Variants in SCN11A observed in about 807,000 individuals in gnomAD.
SCN11A encodes sodium channel protein type 11 subunit alpha.
Under a neutral mutation model 162.2 loss-of-function variants are expected in SCN11A, and 122 were observed. That is an observed-to-expected ratio of 0.75 (90% confidence interval 0.65 to 0.87). SCN11A has a LOEUF of 0.87. Among genes scored for constraint, SCN11A ranks in the 40% least tolerant of loss-of-function variants. The pLI, the probability that SCN11A is intolerant of heterozygous loss-of-function variation, is 0.00. For synonymous variants in SCN11A, 758 were observed against 751.5 expected (o/e 1.01, Z -0.14); for missense variants, 2,015 against 2,181.6 (o/e 0.92, Z 1.52).
intron 27 of SCN11A, among the ~76,000 whole-genome samples, chr3:38,866,592 A>T (rs1020044626): frequency 1.1e-4 from 16 of 152,262 alleles, no homozygotes; most frequent in African/African-American, 3.9e-4. Context: ...TCAAAACTAC[A>T]AAATTAAAAA....
chr3:38,912,288 T>G (rs1329886886), intron 11 of SCN11A, among the ~76,000 whole-genome samples: 1 of 152,116 alleles, frequency 6.6e-6, no homozygotes, highest in East Asian at 1.9e-4. Flanking sequence ...TACAGGTGAT[T>G]AAGCCTCTCC....
intron 2 of SCN11A, among the ~76,000 whole-genome samples, chr3:38,966,709 A>G (rs780885503): frequency 6.6e-6 from 1 of 152,166 alleles, no homozygotes; most frequent in African/African-American, 2.4e-5. Flanking sequence ...TATGCCTTCT[A>G]CCTAACCGTA....
Position 39,050,718 on chromosome 3 carries a change from T to G in SCN11A, c.-404+1143A>C, listed in dbSNP as rs59962004. Among the ~76,000 whole-genome samples the G allele has an allele frequency of 1.0e-3, 156 of 152,338 alleles. 1 individual carries two copies. Among genetic ancestry groups the G allele is most frequent in the African/African-American group, 3.7e-3 (152 of 41,568 alleles). The stretch of plus-strand genomic sequence containing the variant: ...AATATCCATGACAAAATTAATAAAT[T>G]TTATTTAGCCTAATATACCCCCAAA... On this transcript the variant is annotated intron_variant, in intron 1 of 29. Coordinates refer to ENST00000302328, the MANE Select transcript of SCN11A (RefSeq NM_001349253.2).
At chr3:38,963,386 T>TATATAA (rs1559558236) in intron 2 of SCN11A, among the ~76,000 whole-genome samples, 1 of 63,018 alleles carries the variant, frequency 1.6e-5, no homozygotes, top group Non-Finnish European at 2.7e-5. Context: ...TATATATATA[T>TATATAA]GATGGAGATA....
At position 38,871,557 on chromosome 3, in the gene SCN11A, T is replaced by C. The variant is rs2065126258; in HGVS notation, c.3647A>G (p.Asn1216Ser). Residue 1216 changes from asparagine (N) to serine (S), a missense_variant, in exon 25 of 30, where the codon AAT becomes AGT. Transcript: ENST00000302328. ...ACTTTTATTTGTAATGATGGTATAATTTATAACTGAGTCTGTTCCATTAAT... is the reference window on the plus strand; with the variant it reads ...ACTTTTATTTGTAATGATGGTATAACTTATAACTGAGTCTGTTCCATTAAT... ...KCINGTDSVI[N>S]YTIITNKSQC... 1 of 1,613,024 alleles carries C rather than the reference T, an allele frequency of 6.2e-7. No homozygotes were observed.
At position 38,847,275 on chromosome 3, in the gene SCN11A, A is replaced by G. The variant is rs201679732; in HGVS notation, c.4795T>C (p.Tyr1599His). 2 of 1,614,166 alleles carry G rather than the reference A, an allele frequency of 1.2e-6. No individual in the cohort carries two copies. Among genetic ancestry groups the G allele is most frequent in the African/African-American group, 2.7e-5 (2 of 75,050 alleles). ...IISFLIVVNM[Y>H]IAVILENFNT... is the part of the protein sequence containing the mutation. Reference sequence around the variant, plus strand: ...AAGTTCTCTAAAATCACAGCAATGTACATGTTGACAACAATGAGAAAGGAG... The same window carrying G: ...AAGTTCTCTAAAATCACAGCAATGTGCATGTTGACAACAATGAGAAAGGAG... Residue 1599 changes from tyrosine to histidine, a missense_variant, in exon 30 of 30, where the codon TAC becomes CAC. Coordinates refer to ENST00000302328, the MANE Select transcript of SCN11A (RefSeq NM_001349253.2).
At chr3:38,900,255 G>C (rs1304937620) in intron 16 of SCN11A, among the ~76,000 whole-genome samples, 182 bp from the exon 17 acceptor site, 8 of 152,112 alleles carry the variant, frequency 5.3e-5, no homozygotes, top group Non-Finnish European at 1.5e-5. Context: ...CTATGACTTT[G>C]CTCCTCTCTC....
At position 39,051,891 on chromosome 3, in the gene SCN11A, C is replaced by G; in HGVS notation, c.-434G>C. On this transcript the variant is annotated 5_prime_UTR_variant, in exon 1 of 30. Transcript: ENST00000302328. ...CACATGGCTACCGGCCACACAGCAA[C>G]TAACAGCACCGAGGAAACACAACAG... 9.3e-7 allele frequency: 1 copy of G among 1,080,260 alleles called. No individual in the cohort carries two copies. The highest frequency in any genetic ancestry group is 1.4e-6 in the Non-Finnish European group (1 of 729,506). The allele number at this position is 1,080,260 out of a possible 1,614,324, so 66.9% of individuals were successfully genotyped here.
intron 19 of SCN11A, among the ~76,000 whole-genome samples, chr3:38,894,156 C>CT (rs34748960): frequency 0.46 from 69,036 of 151,694 alleles, 15,852 homozygotes; most frequent in Middle Eastern, 0.47. Context: ...CCAGCACTGC[C>CT]TTTTTTTTCT....
At position 38,995,799 on chromosome 3, in the gene SCN11A, G is replaced by GTCTATCTATCTATCTGTCTGTCTA. The variant is rs1553648575; in HGVS notation, c.-279-35377_-279-35376insTAGACAGACAGATAGATAGATAGA. On this transcript the variant is annotated intron_variant, in intron 2 of 29. Coordinates refer to ENST00000302328, the MANE Select transcript of SCN11A (RefSeq NM_001349253.2). Reference sequence around the variant, plus strand: ...GTGAGCCAATTTCTCACAATAAATTGTCTATCTATCTATCTATCTGTCTAT... The same window carrying GTCTATCTATCTATCTGTCTGTCTA: ...GTGAGCCAATTTCTCACAATAAATTGTCTATCTATCTATCTGTCTGTCTATCTATCTATCTATCTATCTGTCTAT... Among the ~76,000 whole-genome samples the GTCTATCTATCTATCTGTCTGTCTA allele has an allele frequency of 2.8e-3, 366 of 131,470 alleles. 3 individuals are homozygous for GTCTATCTATCTATCTGTCTGTCTA. Among genetic ancestry groups the GTCTATCTATCTATCTGTCTGTCTA allele is most frequent in the African/African-American group, 0.01 (342 of 33,166 alleles). 86.2% of individuals were successfully genotyped at this position (131,470 alleles called of 152,430 possible). A position where few individuals can be genotyped will look rare whatever the true frequency, so the allele number is the denominator to read the frequency against.
At chr3:38,992,165 A>T (rs1298578694) in intron 2 of SCN11A, among the ~76,000 whole-genome samples, 1 of 152,178 alleles carries the variant, frequency 6.6e-6, no homozygotes, top group Non-Finnish European at 1.5e-5. Flanking sequence ...TGCTTTCCCA[A>T]AGATTCTTGA....
intron 10 of SCN11A, 61 bp downstream of exon 10, chr3:38,921,015 G>C: frequency 1.4e-6 from 2 of 1,464,892 alleles, no homozygotes; most frequent in Admixed American, 3.4e-5. Flanking sequence ...CAGGACAAGT[G>C]AGGATAAGGA....
At chr3:39,050,596 TAAG>T (rs34430541) in intron 1 of SCN11A, among the ~76,000 whole-genome samples, 1 of 151,756 alleles carries the variant, frequency 6.6e-6, no homozygotes, top group Non-Finnish European at 1.5e-5. Context: ...TTTATTAATT[TAAG>T]AAGTATTTGT....
intron 28 of SCN11A, among the ~76,000 whole-genome samples, chr3:38,855,112 AGCTTATG>A (rs2064845825): frequency 6.6e-6 from 1 of 152,184 alleles, no homozygotes; most frequent in Admixed American, 6.5e-5. Context: ...TCAGCAGGGA[AGCTTATG>A]GCCTGGGGCA....
At chr3:38,997,523 T>C (rs1158828678) in intron 2 of SCN11A, among the ~76,000 whole-genome samples, 2 of 152,244 alleles carry the variant, frequency 1.3e-5, no homozygotes, top group Non-Finnish European at 2.9e-5. Flanking sequence ...CCATAGTACT[T>C]ACTCTCTTTT....
chr3:38,893,016 A>G (rs548030018), intron 19 of SCN11A, among the ~76,000 whole-genome samples: 27 of 152,272 alleles, frequency 1.8e-4, no homozygotes, highest in African/African-American at 6.5e-4. Context: ...AACTGAATTA[A>G]CAACAGCATT....
At chr3:38,930,815 T>G (rs753258885) in intron 7 of SCN11A, among the ~76,000 whole-genome samples, 1 of 152,156 alleles carries the variant, frequency 6.6e-6, no homozygotes, top group Non-Finnish European at 1.5e-5. Flanking sequence ...ACGTATCCAC[T>G]GTTCATCCAA....
chr3:38,863,323 A>C, intron 27 of SCN11A, 24 bp from the exon 28 acceptor site: 2 of 1,221,592 alleles, frequency 1.6e-6, no homozygotes, highest in Non-Finnish European at 2.4e-6. Context: ...ATAAGAGCTA[A>C]TTACCTTTAA....
At chr3:38,995,797 T>TTGTCTATCTGTCTGTCTGTCTGTC (rs2030608014) in intron 2 of SCN11A, among the ~76,000 whole-genome samples, 1 of 108,508 alleles carries the variant, frequency 9.2e-6, no homozygotes, top group Admixed American at 8.1e-5. Context: ...TCACAATAAA[T>TTGTCTATCTGTCTGTCTGTCTGTC]TGTCTATCTA....
Sources: gnomAD v4.1 joint callset for allele counts (sites outside exome capture counted in the v4.1 genomes callset) on GRCh38, gnomAD v4.1.1 for gene constraint, MANE v1.5 for transcripts, NCBI Gene and HGNC (gene_info 2026-07-23, HGNC 2026-07-21) for gene names.